CNTNAP2: variants seen among roughly 807,000 people sequenced by gnomAD.
CNTNAP2 encodes the protein contactin associated protein 2.
CNTNAP2 carries 98 observed loss-of-function variants against 155.2 expected under a neutral mutation model. That is an observed-to-expected ratio of 0.63 (90% CI 0.54 to 0.75). The LOEUF is 0.75. Ranked by LOEUF, CNTNAP2 falls within the 30% of genes least tolerant of loss-of-function variation. CNTNAP2 has a pLI of 0.00. For missense variants in CNTNAP2, 1,727 were observed against 1,688.1 expected (o/e 1.02, Z -0.40); for synonymous variants, 651 against 631.2 (o/e 1.03, Z -0.47).
chr7:147,622,524 T>C (rs1277935495), intron 12 of CNTNAP2, among the ~76,000 whole-genome samples: 3 of 151,976 alleles, frequency 2.0e-5, no homozygotes, highest in Admixed American at 6.6e-5. Context: ...AATATGCTCC[T>C]GAATGACCAG....
intron 18 of CNTNAP2, among the ~76,000 whole-genome samples, chr7:148,209,454 G>T (rs1795506819): frequency 6.6e-6 from 1 of 151,876 alleles, no homozygotes. Flanking sequence ...CTTGATACCT[G>T]CCATATCCCC....
intron 13 of CNTNAP2, among the ~76,000 whole-genome samples, chr7:147,681,499 A>G (rs1795947742): frequency 6.6e-6 from 1 of 151,838 alleles, no homozygotes; most frequent in African/African-American, 2.4e-5. Flanking sequence ...TTCTCTTCCC[A>G]GTGGGTCTTG....
At chr7:147,868,048 C>T (rs758031618) in intron 13 of CNTNAP2, among the ~76,000 whole-genome samples, 31 of 151,356 alleles carry the variant, frequency 2.0e-4, no homozygotes, top group Admixed American at 1.8e-3. Context: ...TTAGAATTTT[C>T]GGTTTTTCTG....
chr7:147,426,636 C>T (rs1563200171), intron 10 of CNTNAP2, among the ~76,000 whole-genome samples: 3 of 152,022 alleles, frequency 2.0e-5, no homozygotes, highest in African/African-American at 7.2e-5. Context: ...AGTGATGGCT[C>T]CAAAGGCATA....
intron 13 of CNTNAP2, among the ~76,000 whole-genome samples, chr7:147,736,069 A>G (rs201734623): frequency 0.079 from 9,592 of 121,856 alleles, 604 homozygotes; most frequent in Middle Eastern, 0.23. Flanking sequence ...TCATTATGAT[A>G]TTAGCTGGTT....
At chr7:147,435,588 GT>G (rs1262092500) in intron 10 of CNTNAP2, among the ~76,000 whole-genome samples, 1 of 152,222 alleles carries the variant, frequency 6.6e-6, no homozygotes, top group African/African-American at 2.4e-5. Flanking sequence ...ATTTTAGGTA[GT>G]TTTGTATAAT....
intron 2 of CNTNAP2, among the ~76,000 whole-genome samples, chr7:146,833,621 C>T (rs1198946983): frequency 6.6e-6 from 1 of 152,120 alleles, no homozygotes. Flanking sequence ...TCATATAATC[C>T]ATATGTTTAA....
chr7:147,374,432 T>G (rs1354750065), intron 9 of CNTNAP2, among the ~76,000 whole-genome samples: 1 of 152,136 alleles, frequency 6.6e-6, no homozygotes, highest in East Asian at 1.9e-4. Context: ...TGCCTACCAT[T>G]GCATTTATTT....
intron 1 of CNTNAP2, among the ~76,000 whole-genome samples, chr7:146,415,115 T>A (rs1370162926): frequency 6.6e-6 from 1 of 151,920 alleles, no homozygotes; most frequent in African/African-American, 2.4e-5. Flanking sequence ...ACTGGAAAAA[T>A]CACAATTGAC....
intron 1 of CNTNAP2, among the ~76,000 whole-genome samples, chr7:146,326,929 T>A (rs1563039855): frequency 1.3e-5 from 2 of 152,190 alleles, no homozygotes; most frequent in South Asian, 2.1e-4. Flanking sequence ...AGAAAATATT[T>A]CTCTTCCTAT....
chr7:146,159,231 C>T (rs1798178180), intron 1 of CNTNAP2, among the ~76,000 whole-genome samples: 1 of 152,182 alleles, frequency 6.6e-6, no homozygotes, highest in Non-Finnish European at 1.5e-5. Flanking sequence ...ACAAGAGCTC[C>T]TGAAGGAAGC....
intron 1 of CNTNAP2, among the ~76,000 whole-genome samples, chr7:146,758,017 G>A (rs1183514619): frequency 1.3e-5 from 2 of 152,092 alleles, no homozygotes; most frequent in Admixed American, 1.3e-4. Context: ...AAACCAAACA[G>A]TGTTTATTTT....
intron 21 of CNTNAP2, among the ~76,000 whole-genome samples, chr7:148,318,425 C>T (rs112777707): frequency 6.6e-6 from 1 of 152,234 alleles, no homozygotes; most frequent in Middle Eastern, 3.4e-3. Flanking sequence ...AATAAATAGG[C>T]AGTAAACAAG....
chr7:147,956,906 G>A (rs140654793), intron 14 of CNTNAP2, among the ~76,000 whole-genome samples: 3 of 152,270 alleles, frequency 2.0e-5, no homozygotes, highest in East Asian at 3.9e-4. Context: ...AAAGTGATAG[G>A]GTTGTCCTGC....
chr7:147,057,354 A>G (rs974181095), intron 4 of CNTNAP2, among the ~76,000 whole-genome samples: 57 of 152,124 alleles, frequency 3.7e-4, no homozygotes, highest in African/African-American at 1.4e-3. Flanking sequence ...TTTTTTAAAA[A>G]TTATGCTGCT....
chr7:147,119,383 A>G (rs6968536), intron 5 of CNTNAP2, among the ~76,000 whole-genome samples: 87,721 of 151,960 alleles, frequency 0.58, 25,444 homozygotes, highest in Middle Eastern at 0.69. Flanking sequence ...TGGAATTTAC[A>G]ACAGCCAGGG....
intron 12 of CNTNAP2, among the ~76,000 whole-genome samples, chr7:147,610,512 G>A (rs758582774): frequency 2.6e-5 from 4 of 152,098 alleles, no homozygotes; most frequent in Non-Finnish European, 5.9e-5. Flanking sequence ...TGCCACAGTG[G>A]CACATTTTGG....
At chr7:147,144,036 A>G (rs1801651546) in intron 8 of CNTNAP2, among the ~76,000 whole-genome samples, 1 of 152,150 alleles carries the variant, frequency 6.6e-6, no homozygotes. Context: ...GGGAAAAACA[A>G]GAGAATAAAT....
chr7:147,741,879 T>G (rs768415962), intron 13 of CNTNAP2, among the ~76,000 whole-genome samples: 25 of 152,206 alleles, frequency 1.6e-4, no homozygotes, highest in Admixed American at 2.6e-4. Flanking sequence ...TAGTCCATTC[T>G]CATGCTGCTG....
Sources: allele counts gnomAD v4.1 joint callset (sites outside exome capture counted in the v4.1 genomes callset), GRCh38; gene constraint gnomAD v4.1.1; transcripts MANE v1.5; gene names NCBI Gene and HGNC (gene_info 2026-07-23, HGNC 2026-07-21).